ABLIM3: variants seen among roughly 807,000 people sequenced by gnomAD.
ABLIM3 encodes actin-binding LIM protein 3.
Under a neutral mutation model 109.5 loss-of-function variants are expected in ABLIM3, and 61 were observed. The ratio of observed to expected loss-of-function variants is 0.56; its 90% confidence interval spans 0.45 to 0.69. The LOEUF is 0.69. ABLIM3 is among the 30% of genes least tolerant of loss of function. The pLI is 0.00. For missense variants in ABLIM3, 796 were observed against 889.5 expected (o/e 0.89, Z 1.34); for synonymous variants, 300 against 324.8 (o/e 0.92, Z 0.82).
intron 11 of ABLIM3, among the ~76,000 whole-genome samples, chr5:149,238,541 A>G (rs1052481835): frequency 2.0e-5 from 3 of 152,236 alleles, no homozygotes; most frequent in African/African-American, 7.2e-5. Flanking sequence ...ACCAGGGCCC[A>G]CAGGTTGCAG....
At chr5:149,217,280 T>C in intron 8 of ABLIM3, 1 of 553,290 alleles carries the variant, frequency 1.8e-6, no homozygotes, top group East Asian at 3.2e-5. Flanking sequence ...CTCCACCCGC[T>C]GCCCAGCTGG....
intron 8 of ABLIM3, among the ~76,000 whole-genome samples, chr5:149,224,075 C>G (rs1173405135): frequency 6.6e-6 from 1 of 152,110 alleles, no homozygotes; most frequent in Non-Finnish European, 1.5e-5. Context: ...TAAGGTGCAG[C>G]ATATATACTC....
intron 2 of ABLIM3, among the ~76,000 whole-genome samples, chr5:149,143,600 G>T (rs551089470): frequency 6.7e-6 from 1 of 148,850 alleles, no homozygotes; most frequent in Non-Finnish European, 1.5e-5. Context: ...TATTTACTAC[G>T]TATTTGTATG....
chr5:149,239,551 G>A (rs1187729527), intron 12 of ABLIM3, among the ~76,000 whole-genome samples: 1 of 152,154 alleles, frequency 6.6e-6, no homozygotes, highest in African/African-American at 2.4e-5. Context: ...TCCATTCAAG[G>A]GCCTGCAAGT....
At chr5:149,196,693 A>G (rs1758011390) in intron 3 of ABLIM3, among the ~76,000 whole-genome samples, 1 of 152,194 alleles carries the variant, frequency 6.6e-6, no homozygotes, top group Non-Finnish European at 1.5e-5. Flanking sequence ...TCGCTGGTGC[A>G]TCCTTGCTTT....
At chr5:149,172,186 T>C (rs1755499438) in intron 2 of ABLIM3, among the ~76,000 whole-genome samples, 1 of 152,192 alleles carries the variant, frequency 6.6e-6, no homozygotes, top group Non-Finnish European at 1.5e-5. Flanking sequence ...GAAATCAATG[T>C]ATTGGGGTGC....
At chr5:149,192,057 T>C (rs12110004) in intron 3 of ABLIM3, among the ~76,000 whole-genome samples, 7,577 of 152,112 alleles carry the variant, frequency 0.05, 576 homozygotes, top group African/African-American at 0.17. Flanking sequence ...TATACAAAAA[T>C]TATAAAGGAA....
chr5:149,224,216 C>T (rs1760943383), intron 8 of ABLIM3, among the ~76,000 whole-genome samples: 1 of 152,084 alleles, frequency 6.6e-6, no homozygotes, highest in Admixed American at 6.5e-5. Flanking sequence ...ATACTTAGGG[C>T]CTGGCACATA....
At chr5:149,246,436 G>A in intron 16 of ABLIM3, 46 bp from the exon 17 acceptor site, 1 of 1,586,848 alleles carries the variant, frequency 6.3e-7, no homozygotes, top group Non-Finnish European at 8.6e-7. Context: ...AAGCCAGGCT[G>A]AGTGGGGTGC....
chr5:149,160,417 A>T (rs1159232189), intron 2 of ABLIM3, among the ~76,000 whole-genome samples: 7 of 78,908 alleles, frequency 8.9e-5, no homozygotes, highest in Admixed American at 7.7e-4. Flanking sequence ...AAGATTGCAC[A>T]TCTGCACTCT....
At chr5:149,237,347 G>C (rs1752306891) in intron 10 of ABLIM3, 101 bp from the exon 11 acceptor site, 2 of 1,221,288 alleles carry the variant, frequency 1.6e-6, no homozygotes, top group Admixed American at 4.3e-5. Flanking sequence ...GTGGAAACTG[G>C]AGAAGTTTGT....
chr5:149,152,190 T>C (rs764764023), intron 2 of ABLIM3, among the ~76,000 whole-genome samples: 2 of 152,218 alleles, frequency 1.3e-5, no homozygotes, highest in Non-Finnish European at 2.9e-5. Flanking sequence ...ATGGGGTATA[T>C]ACTTAGTTTC....
At chr5:149,152,279 C>G (rs1753504099) in intron 2 of ABLIM3, among the ~76,000 whole-genome samples, 1 of 152,158 alleles carries the variant, frequency 6.6e-6, no homozygotes, top group African/African-American at 2.4e-5. Context: ...CCACTGCAGT[C>G]CAGTAGATGA....
intron 8 of ABLIM3, among the ~76,000 whole-genome samples, chr5:149,225,569 T>A (rs1021578365): frequency 3.0e-4 from 45 of 152,284 alleles, no homozygotes; most frequent in African/African-American, 1.0e-3. Flanking sequence ...TTTAAAAAAA[T>A]TTTTATTTCC....
chr5:149,159,396 G>T (rs1044780997), intron 2 of ABLIM3, among the ~76,000 whole-genome samples: 9 of 152,170 alleles, frequency 5.9e-5, no homozygotes, highest in African/African-American at 2.2e-4. Flanking sequence ...ATTGCAAAAG[G>T]TTGCAGCAAA....
chr5:149,233,730 G>A (rs1480364199), intron 10 of ABLIM3, among the ~76,000 whole-genome samples: 2 of 152,160 alleles, frequency 1.3e-5, no homozygotes, highest in Non-Finnish European at 2.9e-5. Flanking sequence ...GAGGCAGAAA[G>A]GAGAAGGAAG....
At chr5:149,256,775 T>A (rs549209594) in intron 23 of ABLIM3, among the ~76,000 whole-genome samples, 2 of 152,356 alleles carry the variant, frequency 1.3e-5, no homozygotes, top group South Asian at 4.1e-4. Context: ...AACCTCACAA[T>A]TACAGGATCT....
intron 2 of ABLIM3, among the ~76,000 whole-genome samples, chr5:149,174,158 C>T (rs1755716952): frequency 6.6e-6 from 1 of 152,032 alleles, no homozygotes; most frequent in Admixed American, 6.5e-5. Flanking sequence ...TAGGGAATTT[C>T]CCTGAACGAT....
chr5:149,208,417 T>C (rs879944112), intron 6 of ABLIM3, among the ~76,000 whole-genome samples: 1 of 149,652 alleles, frequency 6.7e-6, no homozygotes, highest in Non-Finnish European at 1.5e-5. Flanking sequence ...TGTCTCTCTT[T>C]CTCTCTCTCT....
Sources: allele counts gnomAD v4.1 joint callset (sites outside exome capture counted in the v4.1 genomes callset), GRCh38; gene constraint gnomAD v4.1.1; transcripts MANE v1.5; gene names NCBI Gene and HGNC (gene_info 2026-07-23, HGNC 2026-07-21).